Variants in KAZN observed in about 807,000 individuals in gnomAD.
KAZN encodes the protein kazrin.
A neutral mutation model predicts 87.4 loss-of-function variants in KAZN; 40 were observed. That is an observed-to-expected ratio of 0.46 (90% CI 0.36 to 0.60). The LOEUF (loss-of-function observed/expected upper bound fraction) is 0.60, where lower values mean the gene tolerates loss of function less well. Ranked by LOEUF, KAZN falls within the 20% of genes least tolerant of loss-of-function variation. The pLI, the probability that KAZN is intolerant of heterozygous loss-of-function variation, is 0.00. For synonymous variants in KAZN, 466 were observed against 458.3 expected, an observed-to-expected ratio of 1.02 and a Z score of -0.22; for missense variants, 898 against 1,073.9, an observed-to-expected ratio of 0.84 and a Z score of 2.29.
At chr1:14,975,105 A>G (rs1277663412) in intron 2 of KAZN, among the ~76,000 whole-genome samples, 1 of 152,022 alleles carries the variant, frequency 6.6e-6, no homozygotes, top group Non-Finnish European at 1.5e-5. Flanking sequence ...CACAGAGGGG[A>G]CCCGGCCCCA....
chr1:14,845,116 G>A (rs1032606884), intron 1 of KAZN, among the ~76,000 whole-genome samples: 6 of 152,062 alleles, frequency 3.9e-5, no homozygotes, highest in Non-Finnish European at 7.4e-5. Context: ...TGGATGGATG[G>A]GTGAGTGGGT....
At chr1:14,817,050 C>A (rs1646588158) in intron 1 of KAZN, among the ~76,000 whole-genome samples, 1 of 152,212 alleles carries the variant, frequency 6.6e-6, no homozygotes, top group African/African-American at 2.4e-5. Flanking sequence ...GGAGTTCAGA[C>A]CACGCCCTCC....
At chr1:14,087,662 G>C (rs1643886269) in intron 1 of KAZN, among the ~76,000 whole-genome samples, 1 of 151,930 alleles carries the variant, frequency 6.6e-6, no homozygotes, top group African/African-American at 2.4e-5. Context: ...TTTTTATCAA[G>C]AGTGGCTGTT....
chr1:14,447,205 C>G (rs1251507830), intron 2 of KAZN, among the ~76,000 whole-genome samples: 1 of 122,624 alleles, frequency 8.2e-6, no homozygotes, highest in East Asian at 2.2e-4. Flanking sequence ...GGCGTTTCCA[C>G]CACATTATTA....
intron 1 of KAZN, among the ~76,000 whole-genome samples, chr1:14,937,584 G>A (rs1294142316): frequency 1.3e-5 from 2 of 152,214 alleles, no homozygotes; most frequent in Non-Finnish European, 2.9e-5. Flanking sequence ...CCTGGGTGGG[G>A]TTGACTGAAC....
intron 1 of KAZN, among the ~76,000 whole-genome samples, chr1:14,699,434 G>A (rs1041862175): frequency 9.2e-5 from 14 of 152,202 alleles, no homozygotes; most frequent in South Asian, 2.1e-4. Flanking sequence ...CATTATGCCC[G>A]GCCTTAGGCT....
At chr1:14,768,797 A>G (rs779969387) in intron 1 of KAZN, among the ~76,000 whole-genome samples, 7 of 152,228 alleles carry the variant, frequency 4.6e-5, no homozygotes, top group African/African-American at 7.2e-5. Context: ...GCCTCATCCA[A>G]AGTAATCAGT....
intron 1 of KAZN, among the ~76,000 whole-genome samples, chr1:14,009,690 C>T (rs1339880342): frequency 2.6e-5 from 4 of 152,204 alleles, no homozygotes; most frequent in African/African-American, 4.8e-5. Context: ...ACCACTCCCC[C>T]ATATCTGATC....
At chr1:14,402,407 T>A (rs757476252) in intron 2 of KAZN, among the ~76,000 whole-genome samples, 9 of 152,116 alleles carry the variant, frequency 5.9e-5, no homozygotes, top group Non-Finnish European at 1.0e-4. Context: ...TGATCTAAGC[T>A]ATCTAAAAAT....
At chr1:14,815,192 G>GA (rs1272876725) in intron 1 of KAZN, among the ~76,000 whole-genome samples, 1 of 152,164 alleles carries the variant, frequency 6.6e-6, no homozygotes, top group African/African-American at 2.4e-5. Context: ...CTGGGAAAGG[G>GA]ATCACAGGAT....
Position 14,432,958 on chromosome 1 carries a change from A to ATG in KAZN, c.250-166013_250-166012dup, listed in dbSNP as rs546391705. Among the ~76,000 whole-genome samples, 5 of 151,748 alleles carry ATG rather than the reference A, an allele frequency of 3.3e-5. No individual in the cohort carries two copies. In the East Asian group the frequency reaches 5.8e-4, roughly 18 times the overall value. ...ATGGTGTATATGTGTGGCTGTGGCTATGTGTGTGTGTGTATGTATATGTAT... is the reference window on the plus strand; with the variant it reads ...ATGGTGTATATGTGTGGCTGTGGCTATGTGTGTGTGTGTGTATGTATATGTAT... On this transcript the variant is annotated intron_variant, in intron 2 of 16. Transcript: ENST00000636203.
intron 1 of KAZN, among the ~76,000 whole-genome samples, chr1:14,644,484 C>G (rs1300180189): frequency 6.6e-6 from 1 of 151,850 alleles, no homozygotes; most frequent in African/African-American, 2.4e-5. Flanking sequence ...GCCTCAGCCT[C>G]CCGAGTAGCT....
intron 2 of KAZN, among the ~76,000 whole-genome samples, chr1:14,970,836 G>C (rs1664950223): frequency 6.6e-6 from 1 of 152,198 alleles, no homozygotes; most frequent in African/African-American, 2.4e-5. Context: ...ACTTGTTTTG[G>C]AAACATTTAC....
intron 1 of KAZN, among the ~76,000 whole-genome samples, chr1:14,912,794 A>T (rs1053961029): frequency 2.0e-5 from 3 of 152,188 alleles, no homozygotes; most frequent in Non-Finnish European, 4.4e-5. Context: ...TGGAGTACTA[A>T]AAAAAGAAAC....
At chr1:14,073,559 C>T (rs902711544) in intron 1 of KAZN, among the ~76,000 whole-genome samples, 2 of 151,998 alleles carry the variant, frequency 1.3e-5, no homozygotes, top group Non-Finnish European at 2.9e-5. Context: ...TAGCCCCCCA[C>T]CCCCAAACAG....
chr1:14,213,890 A>C (rs1001119928), intron 2 of KAZN, among the ~76,000 whole-genome samples: 8 of 152,266 alleles, frequency 5.3e-5, no homozygotes, highest in Admixed American at 3.3e-4. Flanking sequence ...TATTTTTAAG[A>C]ACCAACACGA....
chr1:14,034,195 G>T (rs898738384), intron 1 of KAZN, among the ~76,000 whole-genome samples: 4 of 152,164 alleles, frequency 2.6e-5, no homozygotes, highest in Non-Finnish European at 5.9e-5. Flanking sequence ...GGCAAATCTA[G>T]ACCTGGATCC....
At chr1:14,810,710 G>T (rs921654461) in intron 1 of KAZN, among the ~76,000 whole-genome samples, 2 of 152,196 alleles carry the variant, frequency 1.3e-5, no homozygotes, top group East Asian at 3.9e-4. Flanking sequence ...GGTGTGGCTT[G>T]TTGGGGACAC....
intron 1 of KAZN, among the ~76,000 whole-genome samples, chr1:13,992,331 G>A (rs911688664): frequency 6.6e-6 from 1 of 152,010 alleles, no homozygotes; most frequent in Non-Finnish European, 1.5e-5. Context: ...TGTGTGAATG[G>A]CTTCCCAAGT....
Sources: allele counts gnomAD v4.1 joint callset (sites outside exome capture counted in the v4.1 genomes callset), GRCh38; gene constraint gnomAD v4.1.1; transcripts MANE v1.5; gene names NCBI Gene and HGNC (gene_info 2026-07-23, HGNC 2026-07-21).